CACNA1G: variants seen among roughly 807,000 people sequenced by gnomAD.
CACNA1G encodes the protein voltage-dependent T-type calcium channel subunit alpha-1G.
Under a neutral mutation model 219.4 loss-of-function variants are expected in CACNA1G, and 67 were observed. That is an observed-to-expected ratio of 0.31 (90% CI 0.25 to 0.37). CACNA1G has a LOEUF of 0.37. Among genes scored for constraint, CACNA1G ranks in the 10% least tolerant of loss-of-function variants. The probability of loss-of-function intolerance (pLI) is 1.00; values close to 1 mark genes in which losing one functional copy is unlikely to be tolerated. For synonymous variants in CACNA1G, 1,296 were observed against 1,345.3 expected, an observed-to-expected ratio of 0.96 and a Z score of 0.80; for missense variants, 2,380 against 3,231.4, an observed-to-expected ratio of 0.74 and a Z score of 6.39.
At position 50,578,608 on chromosome 17, in the gene CACNA1G, G is replaced by A. The variant is rs200702328; in HGVS notation, c.2301+44G>A. On this transcript the variant is annotated intron_variant, in intron 9 of 37. Transcript: ENST00000359106. The surrounding 1 kb of genome is among the most constrained non-coding windows in gnomAD (Gnocchi z 4.5). ...GCAGGGCTCCTGCCAGCTGCTTTTC[G>A]CCTGGGGCTGGGGCCTTCTACCTCC... 3.0e-5 allele frequency: 46 copies of A among 1,515,066 alleles called. No homozygotes were observed. The East Asian group carries it at 6.0e-4, about 20-fold the overall frequency. 93.9% of individuals were successfully genotyped at this position (1,515,066 alleles called of 1,614,324 possible). A position where few individuals can be genotyped will look rare whatever the true frequency, so the allele number is the denominator to read the frequency against.
At chr17:50,624,323 C>CTCCCCCCCCCCCCCCCCCCCCT in intron 36 of CACNA1G, 37 bp from the exon 37 acceptor site, 1 of 1,400,548 alleles carries the variant, frequency 7.1e-7, no homozygotes, top group Non-Finnish European at 9.9e-7. Context: ...GCTCCATTCT[C>CTCCCCCCCCCCCCCCCCCCCCT]TCCCCCCACC....
rs1182802538 is a variant in CACNA1G, at chr17:50,618,967, C to T, written c.5740C>T (p.His1914Tyr). 5 of 1,552,946 alleles carry T rather than the reference C, an allele frequency of 3.2e-6. 1 individual carries two copies. Among genetic ancestry groups the T allele is most frequent in the Middle Eastern group, 3.6e-4 (2 of 5,546 alleles). Residue 1914 changes from histidine (H) to tyrosine (Y), a missense_variant, in exon 33 of 38, where the codon CAC becomes TAC. By Grantham distance (83) the His-to-Tyr change is moderately conservative. Around this residue, in one of 17 missense-constraint regions of CACNA1G, gnomAD observed 672 missense variants for 670.5 expected, o/e 1.00. Coordinates refer to ENST00000359106, the MANE Select transcript of CACNA1G (RefSeq NM_018896.5). This position sits in a 1 kb window ranked among gnomAD's most constrained non-coding sequence, Gnocchi z 5.3. ...GCCTGGGGCTCTGCACCCAGCGGCCCACGCGAGATCAGCCTCCCACTTTTC... is the reference window on the plus strand; with the variant it reads ...GCCTGGGGCTCTGCACCCAGCGGCCTACGCGAGATCAGCCTCCCACTTTTC... ...PKPGALHPAA[H>Y]ARSASHFSLE...
intron 1 of CACNA1G, among the ~76,000 whole-genome samples, chr17:50,567,196 A>G (rs1302759524): frequency 8.6e-5 from 13 of 152,028 alleles, no homozygotes; most frequent in Admixed American, 8.5e-4. Context: ...AGCACTTTTT[A>G]TTTCCTCCCT....
In CACNA1G at chr17:50,620,858, C is replaced by T. The variant is rs564060124; in HGVS notation, c.5926-802C>T. Among the ~76,000 whole-genome samples, 40 of 152,288 alleles carry T rather than the reference C, an allele frequency of 2.6e-4. No homozygotes were observed. In the South Asian group the frequency reaches 7.9e-3, roughly 30 times the overall value. ...AGGCCTCCCCTTCCTGAAAGAGGCT[C>T]ACAGGGAAAGGTTGTGGGAGAAGAG... On this transcript the variant is annotated intron_variant, in intron 34 of 37. Transcript: ENST00000359106.
chr17:50,610,181 T>G (rs1298879336), intron 26 of CACNA1G, among the ~76,000 whole-genome samples: 1 of 152,180 alleles, frequency 6.6e-6, no homozygotes, highest in East Asian at 1.9e-4. Context: ...AAGGGCTTCC[T>G]TGGCCGGCCA....
chr17:50,596,646 T>C lies in CACNA1G; in HGVS notation c.3064T>C (p.Leu1022=), dbSNP rs2045610534. Residue 1022 remains leucine, a splice_region_variant and synonymous_variant, in exon 15 of 38, where the codon TTG becomes CTG. Transcript: ENST00000359106. This position sits in a 1 kb window ranked among gnomAD's most constrained non-coding sequence, Gnocchi z 4.8. The part of the protein sequence containing the change: ...GDGDRKKCLA[L]VSLGEHPELR... ...TGGGGACAGGAAGAAGTGCTTGGCC[T>C]GTGAGTACCTATCCTGGGGTGCGAC... The C allele has an allele frequency of 6.2e-7, 1 of 1,613,784 alleles. No individual in the cohort carries two copies. Among genetic ancestry groups the C allele is most frequent in the Non-Finnish European group, 8.5e-7 (1 of 1,179,824 alleles).
intron 7 of CACNA1G, 65 bp downstream of exon 7, chr17:50,573,178 G>A (rs2039837312): frequency 8.4e-7 from 1 of 1,190,902 alleles, no homozygotes. Context: ...GGGCAGTCCA[G>A]AGAGGGGATA....
At chr17:50,586,195 C>T (rs1951956657) in intron 9 of CACNA1G, among the ~76,000 whole-genome samples, 1 of 152,234 alleles carries the variant, frequency 6.6e-6, no homozygotes, top group South Asian at 2.1e-4. Context: ...GATTAATCTT[C>T]TTCATACACT....
At chr17:50,577,966 A>G (rs2041087662) in intron 8 of CACNA1G, among the ~76,000 whole-genome samples, 1 of 152,092 alleles carries the variant, frequency 6.6e-6, no homozygotes, top group Non-Finnish European at 1.5e-5. Context: ...GCCCCAGGAC[A>G]CTCAGCAGTG....
chr17:50,594,887 G>A, intron 13 of CACNA1G, 106 bp from the exon 14 acceptor site: 2 of 760,960 alleles, frequency 2.6e-6, no homozygotes, highest in Non-Finnish European at 2.2e-6. Flanking sequence ...CCTGCTGTGG[G>A]GTTTGCGCCC....
Position 50,601,833 on chromosome 17 carries a change from C to T in CACNA1G, c.3915+659C>T, listed in dbSNP as rs1404748753. Among the ~76,000 whole-genome samples the T allele has an allele frequency of 2.0e-5, 3 of 152,102 alleles. No homozygotes were observed. In the East Asian group the frequency reaches 5.8e-4, roughly 29 times the overall value. On this transcript the variant is annotated intron_variant, in intron 19 of 37. Coordinates refer to ENST00000359106, the MANE Select transcript of CACNA1G (RefSeq NM_018896.5). Reference sequence around the variant, plus strand: ...GATGGGTGGGGGGTGGTTGTGTTTCCGCTCACGGCATCCTGCACCACTTGC... The same window carrying T: ...GATGGGTGGGGGGTGGTTGTGTTTCTGCTCACGGCATCCTGCACCACTTGC...
chr17:50,605,789 C>A (rs2047839539), intron 22 of CACNA1G, 109 bp from the exon 23 acceptor site: 5 of 1,214,630 alleles, frequency 4.1e-6, no homozygotes, highest in South Asian at 2.7e-5. Context: ...GCAGAGCACC[C>A]CACACTCACT....
Position 50,621,709 on chromosome 17 carries a change from C to G in CACNA1G, c.5975C>G (p.Ser1992Cys), listed in dbSNP as rs749251748. 5 of 1,613,958 alleles carry G rather than the reference C, an allele frequency of 3.1e-6. No homozygotes were observed. In the Admixed American group the frequency reaches 5.0e-5, roughly 16 times the overall value. Residue 1992 changes from serine (S) to cysteine (C), a missense_variant, in exon 35 of 38, where the codon TCT (serine) becomes TGT (cysteine). By Grantham distance (112) the Ser-to-Cys change is moderately radical. Transcript: ENST00000359106. The surrounding 1 kb of genome is among the most constrained non-coding windows in gnomAD (Gnocchi z 4.6). ...EALSLTSEIV[S>C]EPSCSLALTD... is the part of the protein sequence containing the mutation. The stretch of plus-strand genomic sequence containing the variant: ...CTGTCTCTGACGTCAGAGATTGTGT[C>G]TGAACCGTCCTGCTCTCTAGCTCTG...
chr17:50,574,509 C>A (rs2040186467), intron 7 of CACNA1G, among the ~76,000 whole-genome samples: 1 of 152,198 alleles, frequency 6.6e-6, no homozygotes, highest in African/African-American at 2.4e-5. Flanking sequence ...TCCCTGGCCA[C>A]CACCTCAAGG....
intron 1 of CACNA1G, 47 bp from the exon 2 acceptor site, chr17:50,568,823 C>G (rs780270721): frequency 6.7e-7 from 1 of 1,499,026 alleles, no homozygotes; most frequent in Non-Finnish European, 9.3e-7. Context: ...GTCGGGGGGC[C>G]GGCCTCAGCT....
chr17:50,565,387 C>CG (rs1194421367), intron 1 of CACNA1G, among the ~76,000 whole-genome samples: 35 of 139,254 alleles, frequency 2.5e-4, no homozygotes, highest in Middle Eastern at 3.8e-3. Context: ...TGGGGTGGGG[C>CG]GGGGGGTTCT....
In CACNA1G at chr17:50,621,808, G is replaced by T. The variant is rs1437843776; in HGVS notation, c.6060+14G>T. 2 of 1,612,888 alleles carry T rather than the reference G, an allele frequency of 1.2e-6. No homozygotes were observed. Among genetic ancestry groups the T allele is most frequent in the Non-Finnish European group, 1.7e-6 (2 of 1,179,730 alleles). On this transcript the variant is annotated intron_variant, in intron 35 of 37. Coordinates refer to ENST00000359106, the MANE Select transcript of CACNA1G (RefSeq NM_018896.5). This position sits in a 1 kb window ranked among gnomAD's most constrained non-coding sequence, Gnocchi z 4.6. The stretch of plus-strand genomic sequence containing the variant: ...CTGGAGAGCAATGTACATACACACT[G>T]CCCTCACTGCTCCCGGCCACCCCCG...
At chr17:50,590,255 G>GTT (rs2043997917) in intron 9 of CACNA1G, among the ~76,000 whole-genome samples, 1 of 152,130 alleles carries the variant, frequency 6.6e-6, no homozygotes, top group Non-Finnish European at 1.5e-5. Flanking sequence ...GGGGCTATGG[G>GTT]TTTCACGTGG....
rs1172926350 is a variant in CACNA1G, at chr17:50,602,831, C to T, written c.3927C>T (p.Phe1309=). ...KIDPHSAERI[F]LTLSNYIFTA... is the part of the protein sequence containing the mutation. ...CCCCTCTCTTGCAGGAACGCATCTT[C>T]CTGACCCTCTCCAATTACATCTTCA... is the stretch of plus-strand genomic sequence containing the variant. The change falls in exon 20 of 38, where the codon TTC becomes TTT. Residue 1309 remains phenylalanine (F), a synonymous_variant. Transcript: ENST00000359106. The T allele has an allele frequency of 6.2e-7, 1 of 1,613,772 alleles. No homozygotes were observed. Among genetic ancestry groups the T allele is most frequent in the Non-Finnish European group, 8.5e-7 (1 of 1,179,860 alleles).
Sources: gnomAD v4.1 joint callset for allele counts (sites outside exome capture counted in the v4.1 genomes callset) on GRCh38, gnomAD v4.1.1 for gene constraint, gnomAD v4.1.1 regional missense constraint, Gnocchi (gnomAD v3.1) non-coding constraint, MANE v1.5 for transcripts, NCBI Gene and HGNC (gene_info 2026-07-23, HGNC 2026-07-21) for gene names.